MYT1L: variants seen among roughly 807,000 people sequenced by gnomAD.
The protein encoded by MYT1L is myelin transcription factor 1-like protein.
MYT1L carries 12 observed loss-of-function variants against 126.7 expected under a neutral mutation model. The observed-to-expected ratio is 0.09, with a 90% confidence interval of 0.06 to 0.15. The LOEUF is 0.15. Ranked by LOEUF, MYT1L falls within the 10% of genes least tolerant of loss-of-function variation. The pLI is 1.00. For synonymous variants in MYT1L, 541 were observed against 604.2 expected, an observed-to-expected ratio of 0.90 and a Z score of 1.53; for missense variants, 979 against 1,585.2, an observed-to-expected ratio of 0.62 and a Z score of 6.49.
At chr2:2,327,625 G>C (rs1283358770) in intron 1 of MYT1L, among the ~76,000 whole-genome samples, 1 of 152,144 alleles carries the variant, frequency 6.6e-6, no homozygotes, top group African/African-American at 2.4e-5. Context: ...TTTGCCTCCT[G>C]AACAGAGTTC....
rs2060617018 is a variant in MYT1L at position 1,981,635 on chromosome 2, C to T, written c.1-1858G>A. On this transcript the variant is annotated intron_variant, in intron 5 of 24. Transcript: ENST00000647738. ...CACGTGCAGTGTTGGAAGGGATGTACCGGGAGGCCCCGCTGGTCCAGCTGA... is the reference window on the plus strand; with the variant it reads ...CACGTGCAGTGTTGGAAGGGATGTATCGGGAGGCCCCGCTGGTCCAGCTGA... Among the ~76,000 whole-genome samples the T allele has an allele frequency of 2.0e-5, 3 of 152,296 alleles. No homozygotes were observed. In the South Asian group the frequency reaches 6.2e-4, roughly 32 times the overall value.
chr2:2,259,381 A>C (rs972903645), intron 2 of MYT1L, among the ~76,000 whole-genome samples: 11 of 138,404 alleles, frequency 7.9e-5, no homozygotes, highest in African/African-American at 1.4e-4. Context: ...GTACCCTAAA[A>C]CTTAGAGTAT....
intron 19 of MYT1L, among the ~76,000 whole-genome samples, chr2:1,844,998 A>G (rs2042309521): frequency 7.0e-6 from 1 of 142,930 alleles, no homozygotes; most frequent in African/African-American, 2.6e-5. Context: ...TTTTTTTGAG[A>G]CAGAGTCTCT....
chr2:2,196,454 A>C lies in MYT1L; in HGVS notation c.-420-23466T>G, dbSNP rs190143192. 5.9e-5 allele frequency among the ~76,000 whole-genome samples: 9 copies of C among 152,008 alleles called. No homozygotes were observed. The East Asian group carries it at 1.7e-3, about 29-fold the overall frequency. On this transcript the variant is annotated intron_variant, in intron 2 of 24. Transcript: ENST00000647738. ...TGTGGGTAAAATGAAATAATCATTG[A>C]CTGTATAAAATAACAATAATATCTT...
At position 1,943,168 on chromosome 2, in the gene MYT1L, C is replaced by T. The variant is rs751738843; in HGVS notation, c.319G>A (p.Gly107Arg). ...TCATTGTCCTCGGAGTACTCCTCCC[C>T]CTCATCCTCCTCCTTCTCATCCATG... ...EDMDEKEEDE[G>R]EEYSEDNDEP... Residue 107 changes from glycine to arginine, a missense_variant, in exon 9 of 25, where the codon GGG becomes AGG. This residue lies in a region of MYT1L where 111 missense variants were observed against 115.9 expected (regional missense o/e 0.96). Transcript: ENST00000647738. This position sits in a 1 kb window ranked among gnomAD's most constrained non-coding sequence, Gnocchi z 4.4. 5 of 1,548,520 alleles carry T rather than the reference C, an allele frequency of 3.2e-6. No individual in the cohort carries two copies. Among genetic ancestry groups the T allele is most frequent in the African/African-American group, 2.7e-5 (2 of 72,906 alleles).
intron 2 of MYT1L, among the ~76,000 whole-genome samples, chr2:2,185,705 T>C (rs2092062792): frequency 7.7e-6 from 1 of 130,020 alleles, no homozygotes; most frequent in African/African-American, 3.1e-5. Flanking sequence ...TTCCGGGCCT[T>C]CCCGAGTCCC....
intron 9 of MYT1L, among the ~76,000 whole-genome samples, chr2:1,934,228 C>T (rs1283756976): frequency 6.7e-6 from 1 of 150,342 alleles, no homozygotes; most frequent in African/African-American, 2.4e-5. Context: ...CCCGCCTTGG[C>T]CTCCAAAGTG....
chr2:2,016,190 A>G (rs748237984), intron 4 of MYT1L, among the ~76,000 whole-genome samples: 1 of 152,226 alleles, frequency 6.6e-6, no homozygotes, highest in Non-Finnish European at 1.5e-5. Context: ...ATACAAAGCC[A>G]CTGCTCTCTG....
intron 18 of MYT1L, among the ~76,000 whole-genome samples, chr2:1,865,904 C>T (rs1310978713): frequency 6.6e-6 from 1 of 152,216 alleles, no homozygotes; most frequent in Admixed American, 6.5e-5. Context: ...GCTACTGCTG[C>T]CAACCCTGTT....
intron 2 of MYT1L, among the ~76,000 whole-genome samples, chr2:2,255,076 A>G (rs2094770018): frequency 6.6e-6 from 1 of 152,238 alleles, no homozygotes. Flanking sequence ...GTTAATAAAA[A>G]TAGGCCAAAG....
rs112650495 is a variant in MYT1L at position 1,806,475 on chromosome 2, G to A, written c.3172+2601C>T. Among the ~76,000 whole-genome samples the A allele has an allele frequency of 0.046, 7,019 of 152,328 alleles. 205 individuals carry two copies. Among genetic ancestry groups the A allele is most frequent in the South Asian group, 0.1 (488 of 4,828 alleles). On this transcript the variant is annotated intron_variant, in intron 22 of 24. Coordinates refer to ENST00000647738, the MANE Select transcript of MYT1L (RefSeq NM_001303052.2). The surrounding 1 kb of genome is among the most constrained non-coding windows in gnomAD (Gnocchi z 4.9). ...GGCGGACGGTGGCCCTGGAATGCCC[G>A]TGTCCCGGCTGCTTTCTGGTGGGAT...
intron 3 of MYT1L, among the ~76,000 whole-genome samples, chr2:2,064,847 G>A (rs899549312): frequency 5.3e-5 from 8 of 152,068 alleles, no homozygotes; most frequent in African/African-American, 1.2e-4. Context: ...AATATGAAAC[G>A]ATTCCTGATT....
chr2:2,180,978 GTGTACCTGTGTGTGCTTGTGTA>G (rs1171803293), intron 2 of MYT1L, among the ~76,000 whole-genome samples: 2 of 147,046 alleles, frequency 1.4e-5, no homozygotes, highest in East Asian at 2.0e-4. Context: ...GTACCTGTGT[GTGTACCTGTGTGTGCTTGTGTA>G]TGTACCTGTG....
chr2:1,861,975 C>CTT (rs2044726358), intron 18 of MYT1L, among the ~76,000 whole-genome samples: 2 of 151,784 alleles, frequency 1.3e-5, no homozygotes, highest in African/African-American at 2.4e-5. Context: ...CCTGGATCTG[C>CTT]CTGCAGCCTG....
At chr2:2,050,191 G>C (rs962080326) in intron 4 of MYT1L, among the ~76,000 whole-genome samples, 2 of 152,104 alleles carry the variant, frequency 1.3e-5, no homozygotes, top group African/African-American at 4.8e-5. Context: ...TTTTTGTAGA[G>C]ATTTGCCCAA....
rs74728834 is a variant in MYT1L at position 1,929,705 on chromosome 2, C to A, written c.506-6442G>T. ...GAGTATAGATTAGCACAGACATTTT[C>A]TCCAGTGCCGGCCATTGCCATTTTC... On this transcript the variant is annotated intron_variant, in intron 9 of 24. Coordinates refer to ENST00000647738, the MANE Select transcript of MYT1L (RefSeq NM_001303052.2). This position sits in a 1 kb window ranked among gnomAD's most constrained non-coding sequence, Gnocchi z 4.7. 0.026 allele frequency among the ~76,000 whole-genome samples: 3,984 copies of A among 152,336 alleles called. 77 individuals are homozygous for A. The highest frequency in any genetic ancestry group is 0.04 in the Non-Finnish European group (2,742 of 68,028).
intron 1 of MYT1L, among the ~76,000 whole-genome samples, chr2:2,313,849 T>C (rs962085255): frequency 7.9e-5 from 12 of 152,316 alleles, no homozygotes; most frequent in Admixed American, 6.5e-4. Flanking sequence ...AGCTTACTTA[T>C]CTCGATACAT....
chr2:2,043,998 T>A (rs894254714), intron 4 of MYT1L, among the ~76,000 whole-genome samples: 60 of 152,118 alleles, frequency 3.9e-4, no homozygotes, highest in African/African-American at 1.4e-3. Context: ...AAAAAATGAG[T>A]AAGGAGAGAG....
chr2:2,232,991 C>A (rs1457773905), intron 2 of MYT1L, among the ~76,000 whole-genome samples: 1 of 152,194 alleles, frequency 6.6e-6, no homozygotes, highest in African/African-American at 2.4e-5. Context: ...CTTGAAAAAT[C>A]ACTGGGCCGA....
Sources: allele counts gnomAD v4.1 joint callset (sites outside exome capture counted in the v4.1 genomes callset), GRCh38; gene constraint gnomAD v4.1.1; regional missense constraint gnomAD v4.1.1; non-coding constraint Gnocchi (gnomAD v3.1); transcripts MANE v1.5; gene names NCBI Gene and HGNC (gene_info 2026-07-23, HGNC 2026-07-21).